The following DOCK8 variants were observed in gnomAD, a reference collection of about 807,000 sequenced individuals.
DOCK8 encodes dedicator of cytokinesis 8.
A neutral mutation model predicts 245.6 loss-of-function variants in DOCK8; 141 were observed. The observed-to-expected ratio is 0.57, with a 90% CI of 0.50 to 0.66. The LOEUF (loss-of-function observed/expected upper bound fraction) is 0.66, where lower values mean the gene tolerates loss of function less well. DOCK8 is among the 30% of genes least tolerant of loss of function. The pLI, the probability that DOCK8 is intolerant of heterozygous loss-of-function variation, is 0.00. For synonymous variants in DOCK8, 1,168 were observed against 970.2 expected (o/e 1.20, Z -3.79); for missense variants, 2,965 against 2,603.4 (o/e 1.14, Z -3.02).
intron 46 of DOCK8, chr9:457,979 G>A (rs1046337343): frequency 3.9e-5 from 6 of 152,188 alleles, no homozygotes; most frequent in African/African-American, 9.7e-5. Context: ...GCAGCAAAGC[G>A]GGATTCAGAG....
At chr9:411,293 A>G (rs946179241) in intron 28 of DOCK8, among the ~76,000 whole-genome samples, 5 of 152,120 alleles carry the variant, frequency 3.3e-5, no homozygotes, top group Admixed American at 2.0e-4. Flanking sequence ...GGAACCTGTA[A>G]TCCCATCTAC....
chr9:420,679 C>A (rs2056240327), intron 31 of DOCK8, 96 bp downstream of exon 31: 3 of 1,490,094 alleles, frequency 2.0e-6, no homozygotes, highest in Non-Finnish European at 1.9e-6. Context: ...ATGGAGGCAT[C>A]ATTAATTTTT....
At chr9:231,305 C>G (rs1324324416) in intron 1 of DOCK8, among the ~76,000 whole-genome samples, 3 of 152,078 alleles carry the variant, frequency 2.0e-5, no homozygotes, top group African/African-American at 7.2e-5. Context: ...GTTACTGTAG[C>G]CTTGTAGTAT....
chr9:450,960 T>C (rs994494242), intron 45 of DOCK8, among the ~76,000 whole-genome samples: 3 of 151,906 alleles, frequency 2.0e-5, no homozygotes, highest in South Asian at 2.1e-4. Flanking sequence ...CCATTTGATG[T>C]AGTTGTATTA....
At chr9:403,928 ATGTG>A (rs1170294096) in intron 26 of DOCK8, among the ~76,000 whole-genome samples, 17 of 74,016 alleles carry the variant, frequency 2.3e-4, no homozygotes, top group African/African-American at 1.2e-3. Context: ...ATATATATAT[ATGTG>A]TATATATATA....
intron 24 of DOCK8, among the ~76,000 whole-genome samples, chr9:393,085 C>CAAAAAAAAAAAAAAAAA (rs1159933739): frequency 6.7e-5 from 3 of 44,730 alleles, no homozygotes; most frequent in African/African-American, 1.4e-4. Flanking sequence ...GACCCTGTCT[C>CAAAAAAAAAAAAAAAAA]AAAAAAAAAA....
In DOCK8 at chr9:413,327, C is replaced by T. The variant is rs116887705; in HGVS notation, c.3531-1455C>T. ...TGTTACATAAAATTATAGAGGTAAT[C>T]ATCATAGACTTAGAAAAGGCAGTGG... is the stretch of plus-strand genomic sequence containing the variant. On this transcript the variant is annotated intron_variant, in intron 28 of 47. Coordinates refer to ENST00000432829, the MANE Select transcript of DOCK8 (RefSeq NM_203447.4). Among the ~76,000 whole-genome samples, 738 of 152,140 alleles carry T rather than the reference C, an allele frequency of 4.9e-3. 4 individuals carry two copies. Among genetic ancestry groups the T allele is most frequent in the Middle Eastern group, 0.014 (4 of 294 alleles).
At chr9:445,754 A>G (rs947707685) in intron 43 of DOCK8, among the ~76,000 whole-genome samples, 6 of 149,844 alleles carry the variant, frequency 4.0e-5, no homozygotes, top group Admixed American at 6.7e-5. Flanking sequence ...TGTTATGAAT[A>G]AAGTTGCTGG....
intron 42 of DOCK8, 140 bp from the exon 43 acceptor site, chr9:443,287 C>G: frequency 1.2e-6 from 1 of 808,190 alleles, no homozygotes; most frequent in East Asian, 2.5e-5. Context: ...GAACTTTGCT[C>G]ATTAGCTCAG....
chr9:388,424 TTAAAATACCCAAGC>T (rs2054044617), intron 23 of DOCK8, among the ~76,000 whole-genome samples: 2 of 152,246 alleles, frequency 1.3e-5, no homozygotes, highest in South Asian at 4.1e-4. Flanking sequence ...ATCTAATTGG[TTAAAATACCCAAGC>T]ATGTATACAG....
At chr9:307,870 A>C (rs1427022976) in intron 5 of DOCK8, among the ~76,000 whole-genome samples, 4 of 152,236 alleles carry the variant, frequency 2.6e-5, no homozygotes, top group Admixed American at 2.6e-4. Flanking sequence ...TACACGATAG[A>C]ATACTATTCA....
At chr9:438,347 T>G (rs2056973070) in intron 39 of DOCK8, among the ~76,000 whole-genome samples, 1 of 152,220 alleles carries the variant, frequency 6.6e-6, no homozygotes, top group African/African-American at 2.4e-5. Context: ...CCTGCCATGA[T>G]TACAGCAATA....
At chr9:211,706 G>T (rs2046622131), upstream of DOCK8, among the ~76,000 whole-genome samples, 1 of 152,128 alleles carries the variant, frequency 6.6e-6, no homozygotes, top group African/African-American at 2.4e-5. Flanking sequence ...CTAAAGTTCA[G>T]AGAGAGGCAA....
chr9:315,976 C>T (rs144978772), intron 6 of DOCK8, among the ~76,000 whole-genome samples: 2 of 152,280 alleles, frequency 1.3e-5, no homozygotes, highest in Non-Finnish European at 1.5e-5. Flanking sequence ...AACAATGTCT[C>T]CTCTGAAATA....
intron 14 of DOCK8, among the ~76,000 whole-genome samples, chr9:362,680 G>C: frequency 6.6e-6 from 1 of 152,194 alleles, no homozygotes; most frequent in Non-Finnish European, 1.5e-5. Flanking sequence ...GCTTAAACAG[G>C]TGGCCAGTGT....
At chr9:451,343 G>A (rs916430259) in intron 45 of DOCK8, among the ~76,000 whole-genome samples, 3 of 151,260 alleles carry the variant, frequency 2.0e-5, no homozygotes, top group African/African-American at 7.3e-5. Context: ...ATAAATTTGG[G>A]CTGTGTATGG....
intron 27 of DOCK8, among the ~76,000 whole-genome samples, chr9:405,648 C>T (rs1034166815): frequency 6.6e-6 from 1 of 152,140 alleles, no homozygotes; most frequent in Non-Finnish European, 1.5e-5. Flanking sequence ...GTTTGATAGT[C>T]ACATTCCATT....
intron 24 of DOCK8, among the ~76,000 whole-genome samples, chr9:391,169 C>T (rs1374320585): frequency 2.0e-5 from 3 of 152,176 alleles, no homozygotes; most frequent in Non-Finnish European, 4.4e-5. Context: ...TCCGCACCCC[C>T]AACACACACA....
chr9:422,966 C>CAGAGCA (rs2056335261), intron 33 of DOCK8, among the ~76,000 whole-genome samples: 1 of 131,926 alleles, frequency 7.6e-6, no homozygotes, highest in African/African-American at 2.9e-5. Context: ...GCCTGGGTGA[C>CAGAGCA]AGAGCAAGAC....
Sources: gnomAD v4.1 joint callset for allele counts (sites outside exome capture counted in the v4.1 genomes callset) on GRCh38, gnomAD v4.1.1 for gene constraint, MANE v1.5 for transcripts, NCBI Gene and HGNC (gene_info 2026-07-23, HGNC 2026-07-21) for gene names.